Variants in USP15 observed in about 807,000 individuals in gnomAD.
USP15 encodes the protein ubiquitin specific peptidase 15.
USP15 carries 18 observed loss-of-function variants against 127.1 expected under a neutral mutation model. That is an observed-to-expected ratio of 0.14 (90% confidence interval 0.10 to 0.21). The LOEUF (loss-of-function observed/expected upper bound fraction) is 0.21, where lower values mean the gene tolerates loss of function less well. USP15 is among the 10% of genes least tolerant of loss of function. The pLI is 1.00. For missense variants in USP15, 805 were observed against 1,159.9 expected, an observed-to-expected ratio of 0.69 and a Z score of 4.44; for synonymous variants, 364 against 393.7, an observed-to-expected ratio of 0.92 and a Z score of 0.89.
intron 1 of USP15, among the ~76,000 whole-genome samples, chr12:62,272,231 T>C (rs1312720241): frequency 3.3e-5 from 5 of 151,952 alleles, no homozygotes; most frequent in Non-Finnish European, 5.9e-5. Flanking sequence ...TTTATGCCAT[T>C]CTGCACAAGA....
chr12:62,308,451 A>G (rs543650723), intron 3 of USP15, among the ~76,000 whole-genome samples: 1 of 152,156 alleles, frequency 6.6e-6, no homozygotes, highest in Admixed American at 6.6e-5. Context: ...TTCTGAGATT[A>G]GTCCTTAATG....
In USP15 at chr12:62,404,889, A is replaced by G. The variant is rs1313786548; in HGVS notation, c.*514A>G. 2 of 152,192 alleles carry G rather than the reference A, an allele frequency of 1.3e-5. No individual in the cohort carries two copies. Among genetic ancestry groups the G allele is most frequent in the African/African-American group, 4.8e-5 (2 of 41,466 alleles). 9.4% of individuals were successfully genotyped at this position (152,192 alleles called of 1,614,324 possible). A position where few individuals can be genotyped will look rare whatever the true frequency, so the allele number is the denominator to read the frequency against. On this transcript the variant is annotated 3_prime_UTR_variant, in exon 22 of 22. Transcript: ENST00000280377. ...GCATTCTTCGAAAACCGCATTTTCA[A>G]ATTTATCCCCGTAATCAATGTGGGC...
At chr12:62,275,907 A>G (rs372953293) in intron 1 of USP15, among the ~76,000 whole-genome samples, 2 of 152,100 alleles carry the variant, frequency 1.3e-5, no homozygotes, top group African/African-American at 4.8e-5. Flanking sequence ...AAGGTTTGAA[A>G]TAATTATTGA....
rs184866545 is a variant in USP15 at position 62,290,422 on chromosome 12, T to C, written c.90-3757T>C. On this transcript the variant is annotated intron_variant, in intron 1 of 21. Coordinates refer to ENST00000280377, the MANE Select transcript of USP15 (RefSeq NM_001252078.2). Reference sequence around the variant, plus strand: ...AAGTCAGCTTTATCTGATCTAAGTATAGCTACTCCTACTTGTTTTTGGTTT... The same window carrying C: ...AAGTCAGCTTTATCTGATCTAAGTACAGCTACTCCTACTTGTTTTTGGTTT... Among the ~76,000 whole-genome samples, 5 of 152,324 alleles carry C rather than the reference T, an allele frequency of 3.3e-5. No homozygotes were observed. In the East Asian group the frequency reaches 9.6e-4, roughly 29 times the overall value.
At position 62,324,723 on chromosome 12, in the gene USP15, T is replaced by G. The variant is rs528751336; in HGVS notation, c.622-1149T>G. 3.9e-5 allele frequency among the ~76,000 whole-genome samples: 6 copies of G among 152,092 alleles called. 1 individual carries two copies. Among genetic ancestry groups the G allele is most frequent in the African/African-American group, 1.4e-4 (6 of 41,566 alleles). On this transcript the variant is annotated intron_variant, in intron 5 of 21. Transcript: ENST00000280377. ...AAATAATAGATTTTTTAAAGCTAAC[T>G]TTAATATTTTAATTAGCATCTCTTT...
intron 2 of USP15, among the ~76,000 whole-genome samples, chr12:62,301,692 A>G (rs763903654): frequency 6.6e-6 from 1 of 152,178 alleles, no homozygotes; most frequent in Non-Finnish European, 1.5e-5. Flanking sequence ...TGCAAAGTAG[A>G]CTATAGTTGC....
At chr12:62,404,070 A>G (rs1426095599) in intron 21 of USP15, 123 bp from the exon 22 acceptor site, 7 of 1,172,442 alleles carry the variant, frequency 6.0e-6, no homozygotes, top group Admixed American at 2.9e-5. Flanking sequence ...CCATTTGACC[A>G]TGCATGGTTT....
intron 1 of USP15, among the ~76,000 whole-genome samples, chr12:62,273,863 A>C (rs1424297499): frequency 6.6e-6 from 1 of 152,250 alleles, no homozygotes; most frequent in Non-Finnish European, 1.5e-5. Flanking sequence ...TTTCTCAATA[A>C]GTAAAGTGGA....
chr12:62,339,274 G>A (rs984883603), intron 6 of USP15, among the ~76,000 whole-genome samples: 1 of 152,046 alleles, frequency 6.6e-6, no homozygotes, highest in South Asian at 2.1e-4. Flanking sequence ...TGCTTATCAG[G>A]TTAAGGAGAT....
chr12:62,266,741 T>A (rs185137218), intron 1 of USP15, among the ~76,000 whole-genome samples: 1 of 152,100 alleles, frequency 6.6e-6, no homozygotes, highest in Non-Finnish European at 1.5e-5. Flanking sequence ...AATATATATA[T>A]TTATATGACT....
At chr12:62,297,394 G>A (rs1051871314) in intron 2 of USP15, among the ~76,000 whole-genome samples, 1 of 151,904 alleles carries the variant, frequency 6.6e-6, no homozygotes, top group Non-Finnish European at 1.5e-5. Flanking sequence ...GGGCAGATAG[G>A]AACAAAGGAA....
intron 6 of USP15, among the ~76,000 whole-genome samples, chr12:62,346,138 A>G (rs2065810470): frequency 6.6e-6 from 1 of 152,254 alleles, no homozygotes; most frequent in African/African-American, 2.4e-5. Flanking sequence ...TAACTACACA[A>G]GCTTTTCCTC....
Position 62,334,369 on chromosome 12 carries a change from G to A in USP15, c.683+8436G>A, listed in dbSNP as rs151128865. Among the ~76,000 whole-genome samples, 399 of 152,192 alleles carry A rather than the reference G, an allele frequency of 2.6e-3. 1 individual carries two copies. Among genetic ancestry groups the A allele is most frequent in the Middle Eastern group, 6.8e-3 (2 of 294 alleles). On this transcript the variant is annotated intron_variant, in intron 6 of 21. Transcript: ENST00000280377. ...ATTTATTTAAAATGGAACATTTTGTGTTATCAAATATTATATGTAAAAGTA... is the reference window on the plus strand; with the variant it reads ...ATTTATTTAAAATGGAACATTTTGTATTATCAAATATTATATGTAAAAGTA...
intron 8 of USP15, among the ~76,000 whole-genome samples, chr12:62,373,058 T>C (rs1367163543): frequency 1.3e-5 from 2 of 152,086 alleles, no homozygotes; most frequent in Admixed American, 6.6e-5. Context: ...CTTGTCCTAG[T>C]CTTCTAGCCT....
Position 62,392,304 on chromosome 12 carries a change from A to G in USP15, c.2337A>G (p.Lys779=), listed in dbSNP as rs1490475781. ...DFEKHESVEY[K]PPKKPFVKLK... ...AAAAACATGAAAGTGTGGAGTATAA[A>G]CCTCCTAAAAAACCCTTTGTGAAAT... The change falls in exon 18 of 22, where the codon AAA becomes AAG. Residue 779 remains lysine (K), a synonymous_variant. Coordinates refer to ENST00000280377, the MANE Select transcript of USP15 (RefSeq NM_001252078.2). 6.2e-7 allele frequency: 1 copy of G among 1,606,468 alleles called. No individual in the cohort carries two copies. The highest frequency in any genetic ancestry group is 8.5e-7 in the Non-Finnish European group (1 of 1,177,718).
At chr12:62,366,517 C>G (rs2066482574) in intron 8 of USP15, among the ~76,000 whole-genome samples, 1 of 152,196 alleles carries the variant, frequency 6.6e-6, no homozygotes, top group African/African-American at 2.4e-5. Flanking sequence ...TTGACTTCCT[C>G]TTTTCCTGTT....
chr12:62,371,002 C>CAAA (rs1183762546), intron 8 of USP15, among the ~76,000 whole-genome samples: 1 of 152,292 alleles, frequency 6.6e-6, no homozygotes, highest in East Asian at 1.9e-4. Context: ...TACATTATTT[C>CAAA]AATGCTTAAG....
intron 3 of USP15, 24 bp downstream of exon 3, chr12:62,302,944 A>C: frequency 6.3e-7 from 1 of 1,593,206 alleles, no homozygotes. Context: ...ATAACTGACT[A>C]TAAATATTAT....
Position 62,314,948 on chromosome 12 carries a change from A to G in USP15, c.475+32A>G, listed in dbSNP as rs201068361. ...CAAGATCCTGTCTTGTTTTTAATCCATTGCTATTAGATATTTAATTAGAAT... is the reference window on the plus strand; with the variant it reads ...CAAGATCCTGTCTTGTTTTTAATCCGTTGCTATTAGATATTTAATTAGAAT... On this transcript the variant is annotated intron_variant, in intron 4 of 21. Transcript: ENST00000280377. The G allele has an allele frequency of 2.1e-4, 324 of 1,516,550 alleles. 5 individuals are homozygous for G. In the Middle Eastern group the frequency reaches 0.014, roughly 65 times the overall value. The allele number at this position is 1,516,550 out of a possible 1,614,324, so 93.9% of individuals were successfully genotyped here.
Sources: allele counts gnomAD v4.1 joint callset (sites outside exome capture counted in the v4.1 genomes callset), GRCh38; gene constraint gnomAD v4.1.1; transcripts MANE v1.5; gene names NCBI Gene and HGNC (gene_info 2026-07-23, HGNC 2026-07-21).